Variants in FRMD3 observed in about 807,000 individuals in gnomAD.
The protein encoded by FRMD3 is FERM domain containing 3, also known as FERM domain-containing protein 3.
A neutral mutation model predicts 70.2 loss-of-function variants in FRMD3; 33 were observed. The ratio of observed to expected loss-of-function variants is 0.47; its 90% CI spans 0.36 to 0.63. The LOEUF (loss-of-function observed/expected upper bound fraction) is 0.63, where lower values mean the gene tolerates loss of function less well. Ranked by LOEUF, FRMD3 falls within the 20% of genes least tolerant of loss-of-function variation. FRMD3 has a pLI of 0.00. For synonymous variants in FRMD3, 279 were observed against 255.9 expected, an observed-to-expected ratio of 1.09 and a Z score of -0.86; for missense variants, 632 against 711.4, an observed-to-expected ratio of 0.89 and a Z score of 1.27.
At chr9:83,442,510 G>A (rs577646791) in intron 1 of FRMD3, among the ~76,000 whole-genome samples, 13 of 151,924 alleles carry the variant, frequency 8.6e-5, no homozygotes, top group Admixed American at 2.0e-4. Context: ...CACCCACCTC[G>A]GCCTCCCAAA....
At chr9:83,359,244 C>T (rs1824504654) in intron 3 of FRMD3, among the ~76,000 whole-genome samples, 1 of 152,192 alleles carries the variant, frequency 6.6e-6, no homozygotes, top group Admixed American at 6.5e-5. Flanking sequence ...TACAGTCACT[C>T]AGAGAACTCT....
At chr9:83,497,199 T>C (rs1332397891) in intron 1 of FRMD3, among the ~76,000 whole-genome samples, 1 of 152,184 alleles carries the variant, frequency 6.6e-6, no homozygotes. Context: ...CTCTTTCCAT[T>C]TGTGTTTCAG....
chr9:83,298,699 A>G (rs375646971), intron 12 of FRMD3, 49 bp downstream of exon 12: 26 of 1,468,632 alleles, frequency 1.8e-5, no homozygotes, highest in African/African-American at 2.8e-5. Flanking sequence ...GGGATTTGGA[A>G]AAGCCAGCTT....
chr9:83,247,896 T>A lies in FRMD3; in HGVS notation c.*22A>T, dbSNP rs1489886486. On this transcript the variant is annotated 3_prime_UTR_variant, in exon 14 of 14. Coordinates refer to ENST00000304195, the MANE Select transcript of FRMD3 (RefSeq NM_174938.6). ...AAATCACTAGCATTGAATATAGCCC[T>A]TAGTCACGTGAGAGATTAACTTCAT... 1.2e-6 allele frequency: 2 copies of A among 1,610,498 alleles called. No individual in the cohort carries two copies. Among genetic ancestry groups the A allele is most frequent in the Admixed American group, 3.3e-5 (2 of 59,854 alleles).
At chr9:83,372,802 C>A in intron 3 of FRMD3, 111 bp downstream of exon 3, 1 of 990,718 alleles carries the variant, frequency 1.0e-6, no homozygotes, top group Non-Finnish European at 1.6e-6. Context: ...CCCCACACCC[C>A]CCAACACCTC....
At chr9:83,447,758 C>T (rs1350950967) in intron 1 of FRMD3, among the ~76,000 whole-genome samples, 1 of 152,144 alleles carries the variant, frequency 6.6e-6, no homozygotes, top group Non-Finnish European at 1.5e-5. Context: ...AGGGTAGGAG[C>T]TCCTGAACTA....
intron 11 of FRMD3, 57 bp from the exon 12 acceptor site, chr9:83,298,873 A>T (rs1364391083): frequency 3.0e-5 from 45 of 1,511,698 alleles, no homozygotes; most frequent in Non-Finnish European, 4.0e-5. Flanking sequence ...AATGGGAGGG[A>T]TATGCACAAG....
chr9:83,545,356 G>GTTTTTTTTTTTTTTT, the FRMD3 span, among the ~76,000 whole-genome samples: 5 of 117,616 alleles, frequency 4.3e-5, 1 homozygote, highest in East Asian at 5.3e-4. Context: ...GTTTTTTTTT[G>GTTTTTTTTTTTTTTT]TTTTTTTTTT....
At chr9:83,256,838 C>G (rs887918384) in intron 13 of FRMD3, among the ~76,000 whole-genome samples, 2 of 151,986 alleles carry the variant, frequency 1.3e-5, no homozygotes, top group Non-Finnish European at 2.9e-5. Context: ...CTCACACCAG[C>G]CAGAATGGTT....
intron 1 of FRMD3, among the ~76,000 whole-genome samples, chr9:83,439,033 G>A (rs143578054): frequency 1.2e-4 from 18 of 152,286 alleles, no homozygotes; most frequent in African/African-American, 4.3e-4. Context: ...CCTTTAAAAA[G>A]GCATCTGTGA....
chr9:83,490,452 C>T (rs981702014), intron 1 of FRMD3, among the ~76,000 whole-genome samples: 2 of 151,920 alleles, frequency 1.3e-5, no homozygotes, highest in Admixed American at 1.3e-4. Context: ...CCACACCTGG[C>T]AAATTTTTTG....
chr9:83,392,680 A>G (rs1825698634), intron 1 of FRMD3, among the ~76,000 whole-genome samples: 1 of 152,152 alleles, frequency 6.6e-6, no homozygotes, highest in East Asian at 1.9e-4. Flanking sequence ...GAACAGAAGG[A>G]AGCACTTTCC....
At chr9:83,345,385 A>T (rs1405421696) in intron 4 of FRMD3, among the ~76,000 whole-genome samples, 1 of 152,180 alleles carries the variant, frequency 6.6e-6, no homozygotes, top group Non-Finnish European at 1.5e-5. Flanking sequence ...TAACGTGCAC[A>T]TGAATTACTT....
intron 13 of FRMD3, among the ~76,000 whole-genome samples, chr9:83,255,035 G>A (rs577291924): frequency 6.6e-6 from 1 of 152,206 alleles, no homozygotes; most frequent in East Asian, 1.9e-4. Flanking sequence ...ATTTTATGAG[G>A]GCAGCATCAT....
chr9:83,468,338 A>G (rs1828184673), intron 1 of FRMD3, among the ~76,000 whole-genome samples: 1 of 152,170 alleles, frequency 6.6e-6, no homozygotes, highest in African/African-American at 2.4e-5. Flanking sequence ...AAACCAAAAC[A>G]ACCACCTGAA....
Position 83,538,103 on chromosome 9 carries a change from C to T in FRMD3, c.129G>A (p.Glu43=), listed in dbSNP as rs1479641054. The T allele has an allele frequency of 6.2e-7, 1 of 1,613,198 alleles. No homozygotes were observed. Among genetic ancestry groups the T allele is most frequent in the African/African-American group, 1.3e-5 (1 of 75,052 alleles). The change falls in exon 1 of 14, where the codon GAG becomes GAA. Residue 43 remains glutamate, a synonymous_variant. Coordinates refer to ENST00000304195, the MANE Select transcript of FRMD3 (RefSeq NM_174938.6). This position sits in a 1 kb window ranked among gnomAD's most constrained non-coding sequence, Gnocchi z 4.7. ...CGCGCACCTGGATGTGGCAGGAGAT[C>T]TCCGAGTCGTCCAGCAGCCGGATGG... is the stretch of plus-strand genomic sequence containing the variant. ...RCTIRLLDDS[E]ISCHIQRETK... is the part of the protein sequence containing the mutation.
intron 1 of FRMD3, among the ~76,000 whole-genome samples, chr9:83,391,446 T>G (rs1288971952): frequency 6.6e-6 from 1 of 152,202 alleles, no homozygotes; most frequent in Non-Finnish European, 1.5e-5. Flanking sequence ...TATGATTGAA[T>G]GGCAAAGCCC....
intron 1 of FRMD3, among the ~76,000 whole-genome samples, chr9:83,501,409 C>T (rs1829066114): frequency 6.6e-6 from 1 of 152,076 alleles, no homozygotes; most frequent in Non-Finnish European, 1.5e-5. Flanking sequence ...TATAAGGTAC[C>T]CCAATAATTT....
At chr9:83,282,174 G>A (rs1296160041) in intron 13 of FRMD3, among the ~76,000 whole-genome samples, 1 of 152,082 alleles carries the variant, frequency 6.6e-6, no homozygotes, top group Non-Finnish European at 1.5e-5. Flanking sequence ...ATCTCTCTAG[G>A]CTTTCTCATT....
Sources: gnomAD v4.1 joint callset for allele counts (sites outside exome capture counted in the v4.1 genomes callset) on GRCh38, gnomAD v4.1.1 for gene constraint, Gnocchi (gnomAD v3.1) non-coding constraint, MANE v1.5 for transcripts, NCBI Gene and HGNC (gene_info 2026-07-23, HGNC 2026-07-21) for gene names.